Variants in RBFOX2 observed in about 807,000 individuals in gnomAD.
RBFOX2 encodes the protein RNA binding protein fox-1 homolog 2.
RBFOX2 carries 10 observed loss-of-function variants against 49.1 expected under a neutral mutation model. The ratio of observed to expected loss-of-function variants is 0.20; its 90% CI spans 0.13 to 0.35. The LOEUF (loss-of-function observed/expected upper bound fraction) is 0.35. RBFOX2 is among the 10% of genes least tolerant of loss of function. RBFOX2 has a pLI of 1.00. For synonymous variants in RBFOX2, 183 were observed against 187.4 expected, an observed-to-expected ratio of 0.98 and a Z score of 0.19; for missense variants, 323 against 486.9, an observed-to-expected ratio of 0.66 and a Z score of 3.17.
At chr22:35,777,247 G>C (rs1186404851) in intron 4 of RBFOX2, among the ~76,000 whole-genome samples, 3 of 151,728 alleles carry the variant, frequency 2.0e-5, no homozygotes, top group African/African-American at 7.3e-5. Flanking sequence ...CCTGACCTCA[G>C]GTGATCCGCC....
chr22:35,944,822 T>C (rs897161735), intron 1 of RBFOX2, among the ~76,000 whole-genome samples: 2 of 152,208 alleles, frequency 1.3e-5, no homozygotes, highest in South Asian at 2.1e-4. Flanking sequence ...ACGGCTGTAA[T>C]CCCGGCACTT....
intron 1 of RBFOX2, among the ~76,000 whole-genome samples, chr22:35,818,430 TTTA>T (rs1315840192): frequency 1.3e-5 from 2 of 152,208 alleles, no homozygotes; most frequent in African/African-American, 4.8e-5. Flanking sequence ...TCTAAATTAA[TTTA>T]TTATTTTGTC....
At chr22:36,022,809 A>T (rs1417349182) in intron 1 of RBFOX2, among the ~76,000 whole-genome samples, 1 of 152,208 alleles carries the variant, frequency 6.6e-6, no homozygotes, top group Non-Finnish European at 1.5e-5. Context: ...CCCAGGGCAC[A>T]GACAAAGGAA....
intron 4 of RBFOX2, among the ~76,000 whole-genome samples, chr22:35,770,676 C>T (rs1942409530): frequency 6.6e-6 from 1 of 152,118 alleles, no homozygotes; most frequent in African/African-American, 2.4e-5. Flanking sequence ...TCTTCCATAA[C>T]CTTCTTTTCT....
intron 1 of RBFOX2, among the ~76,000 whole-genome samples, chr22:36,026,384 C>A (rs1049239625): frequency 6.6e-6 from 1 of 152,050 alleles, no homozygotes; most frequent in Non-Finnish European, 1.5e-5. Context: ...CCTCTGCACA[C>A]CCCTGCGAAG....
chr22:35,937,889 G>T (rs566655300), intron 1 of RBFOX2, among the ~76,000 whole-genome samples: 57 of 152,074 alleles, frequency 3.7e-4, no homozygotes, highest in African/African-American at 1.3e-3. Context: ...GCACCCAGCC[G>T]ACCATCCTAG....
chr22:35,912,807 G>A (rs370025240), intron 1 of RBFOX2, among the ~76,000 whole-genome samples: 119 of 152,266 alleles, frequency 7.8e-4, no homozygotes, highest in African/African-American at 2.8e-3. Context: ...AGGCAGCATG[G>A]CATTGAAGAA....
chr22:36,008,251 A>C (rs1196843033), intron 1 of RBFOX2, among the ~76,000 whole-genome samples: 2 of 152,160 alleles, frequency 1.3e-5, no homozygotes, highest in East Asian at 3.9e-4. Flanking sequence ...AAGTTTTATA[A>C]GAACATTCCA....
chr22:35,839,460 G>C (rs1214554230), intron 1 of RBFOX2, among the ~76,000 whole-genome samples: 2 of 152,078 alleles, frequency 1.3e-5, no homozygotes, highest in African/African-American at 4.8e-5. Flanking sequence ...GTGGGAGAGA[G>C]AGAAGAGAAG....
intron 1 of RBFOX2, among the ~76,000 whole-genome samples, chr22:35,858,178 T>C (rs2042712583): frequency 1.3e-5 from 2 of 152,204 alleles, no homozygotes; most frequent in Non-Finnish European, 2.9e-5. Flanking sequence ...AAACTTTCTA[T>C]TGGGATACTT....
upstream of RBFOX2, chr22:35,961,836 C>G (rs758483687): frequency 9.4e-6 from 6 of 637,910 alleles, no homozygotes; most frequent in Non-Finnish European, 7.8e-6. Context: ...ACTAAGAAAA[C>G]ACAGAGAAAT....
chr22:35,940,541 T>G (rs2053586704), upstream of RBFOX2, among the ~76,000 whole-genome samples: 1 of 152,186 alleles, frequency 6.6e-6, no homozygotes, highest in African/African-American at 2.4e-5. Flanking sequence ...GGATAGTCCT[T>G]CTATTAAACA....
intron 9 of RBFOX2, chr22:35,747,248 T>G (rs1410696213): frequency 6.6e-6 from 1 of 152,138 alleles, no homozygotes; most frequent in East Asian, 1.9e-4. Context: ...TACGGAAAGT[T>G]TGCCAACTCA....
At chr22:35,906,432 C>T (rs2049137183) in intron 1 of RBFOX2, among the ~76,000 whole-genome samples, 1 of 152,094 alleles carries the variant, frequency 6.6e-6, no homozygotes, top group African/African-American at 2.4e-5. Context: ...ATGACTTACC[C>T]AGGCTTCAAA....
At chr22:35,776,707 G>A (rs1221715192) in intron 4 of RBFOX2, among the ~76,000 whole-genome samples, 1 of 152,120 alleles carries the variant, frequency 6.6e-6, no homozygotes, top group Non-Finnish European at 1.5e-5. Context: ...CAGCAGAGAT[G>A]ACCAAATGAA....
intron 1 of RBFOX2, among the ~76,000 whole-genome samples, chr22:35,810,945 A>C (rs1440972343): frequency 3.3e-5 from 5 of 152,200 alleles, no homozygotes. Context: ...AAAATATATC[A>C]TCAATAAGGG....
chr22:35,751,869 T>C (rs958936424), intron 9 of RBFOX2, among the ~76,000 whole-genome samples: 9 of 152,364 alleles, frequency 5.9e-5, no homozygotes, highest in Admixed American at 5.9e-4. Flanking sequence ...TAATCAAACC[T>C]TTCAAACATT....
chr22:35,949,885 G>A (rs149369442), intron 1 of RBFOX2, among the ~76,000 whole-genome samples: 178 of 152,078 alleles, frequency 1.2e-3, no homozygotes, highest in African/African-American at 4.1e-3. Context: ...TGTTAATAGC[G>A]TCCTTTGATG....
At chr22:35,774,218 A>G (rs1943362880) in intron 4 of RBFOX2, among the ~76,000 whole-genome samples, 1 of 152,078 alleles carries the variant, frequency 6.6e-6, no homozygotes, top group African/African-American at 2.4e-5. Context: ...TTATGCTAAG[A>G]TAACAGGTGT....
Sources: allele counts gnomAD v4.1 joint callset (sites outside exome capture counted in the v4.1 genomes callset), GRCh38; gene constraint gnomAD v4.1.1; transcripts MANE v1.5; gene names NCBI Gene and HGNC (gene_info 2026-07-23, HGNC 2026-07-21).